The following ERICH5 variants were observed in gnomAD, a reference collection of about 807,000 sequenced individuals.
ERICH5 encodes glutamate-rich protein 5.
Under a neutral mutation model 28.0 loss-of-function variants are expected in ERICH5, and 24 were observed. That is an observed-to-expected ratio of 0.86 (90% CI 0.62 to 1.21). ERICH5 has a LOEUF of 1.21. ERICH5 is among the 50% of genes most tolerant of loss of function. The pLI is 0.00. For synonymous variants in ERICH5, 163 were observed against 157.6 expected (o/e 1.03, Z -0.25); for missense variants, 421 against 441.2 (o/e 0.95, Z 0.41).
chr8:98,093,025 T>G (rs1356010496), intron 2 of ERICH5, among the ~76,000 whole-genome samples, 196 bp from the exon 3 acceptor site: 3 of 152,140 alleles, frequency 2.0e-5, no homozygotes, highest in Non-Finnish European at 4.4e-5. Context: ...CCGCCTTCCT[T>G]GGCCTCCCAA....
intron 1 of ERICH5, among the ~76,000 whole-genome samples, chr8:98,072,591 T>G (rs1471072238): frequency 6.6e-6 from 1 of 152,028 alleles, no homozygotes; most frequent in Non-Finnish European, 1.5e-5. Flanking sequence ...TGAACCGAGG[T>G]TGTGCCACTG....
At chr8:98,081,516 G>C (rs1815182485) in intron 1 of ERICH5, among the ~76,000 whole-genome samples, 1 of 152,160 alleles carries the variant, frequency 6.6e-6, no homozygotes, top group Non-Finnish European at 1.5e-5. Flanking sequence ...TTCTTTCTGA[G>C]TATTATCTCA....
At chr8:98,072,402 A>C (rs1814934776) in intron 1 of ERICH5, among the ~76,000 whole-genome samples, 2 of 152,228 alleles carry the variant, frequency 1.3e-5, no homozygotes, top group South Asian at 4.1e-4. Context: ...TGGGAGGCCA[A>C]GGCAGGAGGA....
chr8:98,065,218 C>G (rs1482283437), intron 1 of ERICH5, among the ~76,000 whole-genome samples: 2 of 152,118 alleles, frequency 1.3e-5, no homozygotes, highest in African/African-American at 2.4e-5. Flanking sequence ...ATCTTCCGCT[C>G]CCCCGTCTCT....
intron 1 of ERICH5, among the ~76,000 whole-genome samples, chr8:98,079,534 T>C (rs1205870886): frequency 1.3e-5 from 2 of 152,078 alleles, no homozygotes; most frequent in African/African-American, 2.4e-5. Flanking sequence ...ATAAGTACTT[T>C]TATTTATGTA....
chr8:98,069,405 G>C (rs1027664069), intron 1 of ERICH5, among the ~76,000 whole-genome samples: 1 of 150,872 alleles, frequency 6.6e-6, no homozygotes, highest in African/African-American at 2.4e-5. Context: ...ATATTCTTTT[G>C]AAGTTTATTT....
chr8:98,076,517 C>T (rs1219171563), intron 1 of ERICH5, among the ~76,000 whole-genome samples: 1 of 151,992 alleles, frequency 6.6e-6, no homozygotes, highest in Admixed American at 6.6e-5. Flanking sequence ...TAAACCAGCT[C>T]AGGCCTTTGA....
intron 1 of ERICH5, among the ~76,000 whole-genome samples, chr8:98,073,944 G>T (rs1325256340): frequency 4.0e-5 from 6 of 148,736 alleles, no homozygotes; most frequent in Non-Finnish European, 7.4e-5. Context: ...TAGAGACAGG[G>T]TCTCACTCTG....
At chr8:98,084,459 T>C (rs1815237175) in intron 1 of ERICH5, among the ~76,000 whole-genome samples, 1 of 152,162 alleles carries the variant, frequency 6.6e-6, no homozygotes, top group African/African-American at 2.4e-5. Flanking sequence ...CTTGGCTCAC[T>C]GCAACCTCTG....
rs116415509 is a variant in ERICH5 at position 98,082,194 on chromosome 8, T to C, written c.59-6882T>C. 9.5e-3 allele frequency among the ~76,000 whole-genome samples: 1,454 copies of C among 152,302 alleles called. 21 individuals carry two copies. Among genetic ancestry groups the C allele is most frequent in the African/African-American group, 0.033 (1,379 of 41,556 alleles). On this transcript the variant is annotated intron_variant, in intron 1 of 2. Transcript: ENST00000318528. ...GTGTGTATGGTCATTTTAAAGGTAT[T>C]ATATGTCCTTTGGGCTACCACAAAA...
rs372150799 is a variant in ERICH5, at chr8:98,073,403, C to CCTCTCTCTCTCT, written c.58+8695_58+8706dup. ...ACCAGCCTAACCAACATAGTGAGACCCTCTCTCTCTCTCTCTCTCTCTCTC... is the reference window on the plus strand; with the variant it reads ...ACCAGCCTAACCAACATAGTGAGACCCTCTCTCTCTCTCTCTCTCTCTCTCTCTCTCTCTCTC... On this transcript the variant is annotated intron_variant, in intron 1 of 2. Transcript: ENST00000318528. Among the ~76,000 whole-genome samples, 4 of 26,842 alleles carry CCTCTCTCTCTCT rather than the reference C, an allele frequency of 1.5e-4. 2 individuals are homozygous for CCTCTCTCTCTCT. The highest frequency in any genetic ancestry group is 4.6e-4 in the African/African-American group (2 of 4,366). The allele number at this position is 26,842 out of a possible 152,430, so 17.6% of individuals were successfully genotyped here.
At chr8:98,073,403 C>CTCTCTCTCTCTCTCTCTCTCT (rs1814956725) in intron 1 of ERICH5, among the ~76,000 whole-genome samples, 1 of 26,848 alleles carries the variant, frequency 3.7e-5, no homozygotes, top group Non-Finnish European at 5.9e-5. Context: ...ATAGTGAGAC[C>CTCTCTCTCTCTCTCTCTCTCT]CTCTCTCTCT....
intron 1 of ERICH5, among the ~76,000 whole-genome samples, chr8:98,066,819 G>A (rs377446231): frequency 1.2e-3 from 185 of 152,216 alleles, no homozygotes; most frequent in African/African-American, 4.0e-3. Flanking sequence ...TCTTAGGCCC[G>A]ATAAATAATT....
chr8:98,084,842 C>G (rs1039286910), intron 1 of ERICH5, among the ~76,000 whole-genome samples: 4 of 152,048 alleles, frequency 2.6e-5, no homozygotes, highest in Admixed American at 2.6e-4. Flanking sequence ...TTAGTAAACT[C>G]TGGTTTATCT....
In ERICH5 at chr8:98,089,438, G is replaced by A. The variant is rs149544768; in HGVS notation, c.421G>A (p.Glu141Lys). 1.7e-4 allele frequency: 273 copies of A among 1,614,222 alleles called. No homozygotes were observed. In the African/African-American group the frequency reaches 2.9e-3, roughly 17 times the overall value. ...KKDAGAGTEA[E>K]SLKGNAEAQP... ...AGATGCAGGAGCAGGGACAGAGGCCGAGTCTCTAAAAGGAAATGCTGAAGC... is the reference window on the plus strand; with the variant it reads ...AGATGCAGGAGCAGGGACAGAGGCCAAGTCTCTAAAAGGAAATGCTGAAGC... Residue 141 changes from glutamate to lysine, a missense_variant, in exon 2 of 3, where the codon GAG becomes AAG. By Grantham distance (56) the Glu-to-Lys change is moderately conservative. Transcript: ENST00000318528.
At position 98,090,016 on chromosome 8, in the gene ERICH5, C is replaced by G; in HGVS notation, c.999C>G (p.Asp333Glu). 6.2e-7 allele frequency: 1 copy of G among 1,609,454 alleles called. No individual in the cohort carries two copies. The highest frequency in any genetic ancestry group is 1.3e-5 in the African/African-American group (1 of 74,922). ...MIRNIHTNEE[D>E]QRIEGETGEK... ...GGAACATCCATACTAATGAAGAGGA[C>G]CAACGCATTGAAGGTAAAAGTTATG... The change falls in exon 2 of 3, where the codon GAC (aspartate) becomes GAG (glutamate). Residue 333 changes from aspartate (D) to glutamate (E), a missense_variant. Transcript: ENST00000318528.
intron 1 of ERICH5, among the ~76,000 whole-genome samples, chr8:98,067,919 A>G (rs1470188157): frequency 6.6e-6 from 1 of 152,174 alleles, no homozygotes; most frequent in Non-Finnish European, 1.5e-5. Context: ...TATATATATT[A>G]TTTAGGGATA....
At chr8:98,078,679 A>C (rs1217414013) in intron 1 of ERICH5, among the ~76,000 whole-genome samples, 1 of 152,174 alleles carries the variant, frequency 6.6e-6, no homozygotes, top group Non-Finnish European at 1.5e-5. Flanking sequence ...CGGTGCTTAT[A>C]ACAAGGGTTC....
chr8:98,076,914 C>T (rs1012661855), intron 1 of ERICH5, among the ~76,000 whole-genome samples: 4 of 152,034 alleles, frequency 2.6e-5, no homozygotes, highest in Non-Finnish European at 4.4e-5. Flanking sequence ...ATCAAACTTC[C>T]TTGGGGTTAA....
Sources: allele counts gnomAD v4.1 joint callset (sites outside exome capture counted in the v4.1 genomes callset), GRCh38; gene constraint gnomAD v4.1.1; transcripts MANE v1.5; gene names NCBI Gene and HGNC (gene_info 2026-07-23, HGNC 2026-07-21).